ADAM29: variants seen among roughly 807,000 people sequenced by gnomAD.
The protein encoded by ADAM29 is disintegrin and metalloproteinase domain-containing protein 29.
For synonymous variants in ADAM29, 367 were observed against 342.3 expected (o/e 1.07, Z -0.80); for missense variants, 969 against 1,001.8 (o/e 0.97, Z 0.44).
At chr4:174,962,319 G>A (rs1745874050) in intron 4 of ADAM29, among the ~76,000 whole-genome samples, 1 of 152,160 alleles carries the variant, frequency 6.6e-6, no homozygotes, top group East Asian at 1.9e-4. Flanking sequence ...AGACCATCCT[G>A]GCTAACACGG....
intron 3 of ADAM29, among the ~76,000 whole-genome samples, chr4:174,931,594 C>T (rs1743882099): frequency 6.6e-6 from 1 of 152,134 alleles, no homozygotes; most frequent in African/African-American, 2.4e-5. Context: ...ACATAACTTT[C>T]TATTAACAAA....
intron 3 of ADAM29, among the ~76,000 whole-genome samples, chr4:174,933,757 TAAGG>T (rs1744044654): frequency 2.0e-5 from 3 of 152,226 alleles, no homozygotes; most frequent in African/African-American, 7.2e-5. Flanking sequence ...GTTAGTTTGC[TAAGG>T]ATGATGGCCT....
At chr4:174,967,923 C>T (rs569651991) in intron 4 of ADAM29, among the ~76,000 whole-genome samples, 12 of 152,264 alleles carry the variant, frequency 7.9e-5, no homozygotes, top group African/African-American at 2.9e-4. Context: ...GCCTTTTCTT[C>T]TGATTTAATA....
chr4:174,960,307 CTT>C (rs1004666564), intron 4 of ADAM29, among the ~76,000 whole-genome samples: 2 of 151,756 alleles, frequency 1.3e-5, no homozygotes, highest in African/African-American at 4.8e-5. Flanking sequence ...TACTAATTTT[CTT>C]TGTGATTCTT....
chr4:174,971,262 T>C (rs980309977), intron 4 of ADAM29, among the ~76,000 whole-genome samples: 1 of 152,172 alleles, frequency 6.6e-6, no homozygotes, highest in Non-Finnish European at 1.5e-5. Context: ...ATTGCAGTAA[T>C]GCAATATCTG....
chr4:174,938,401 C>T (rs1269960199), intron 4 of ADAM29, among the ~76,000 whole-genome samples: 1 of 151,922 alleles, frequency 6.6e-6, no homozygotes, highest in Non-Finnish European at 1.5e-5. Context: ...AGTAGATGAG[C>T]AATTGAGAAG....
Position 174,976,254 on chromosome 4 carries a change from G to T in ADAM29, c.729G>T (p.Val243=), listed in dbSNP as rs1170931103. The T allele has an allele frequency of 6.2e-7, 1 of 1,608,534 alleles. No homozygotes were observed. Among genetic ancestry groups the T allele is most frequent in the East Asian group, 2.2e-5 (1 of 44,850 alleles). The change falls in exon 5 of 5, where the codon GTG becomes GTT. Residue 243 remains valine (V), a synonymous_variant. Transcript: ENST00000359240. ...TTTTGGATGTCATTGGTGTTAAGGTGTTATTATTTGGTTTGGAGATCTGGA... is the reference window on the plus strand; with the variant it reads ...TTTTGGATGTCATTGGTGTTAAGGTTTTATTATTTGGTTTGGAGATCTGGA... The part of the protein sequence containing the change: ...DSILDVIGVK[V]LLFGLEIWTN...
chr4:174,972,361 T>C (rs1746525433), intron 4 of ADAM29, among the ~76,000 whole-genome samples: 1 of 152,182 alleles, frequency 6.6e-6, no homozygotes, highest in Admixed American at 6.5e-5. Flanking sequence ...GAGATTCTAG[T>C]CCTTCTAATA....
At chr4:174,971,537 C>T (rs9992884) in intron 4 of ADAM29, among the ~76,000 whole-genome samples, 14,079 of 152,158 alleles carry the variant, frequency 0.093, 2,122 homozygotes, top group African/African-American at 0.32. Flanking sequence ...CATCCCACTC[C>T]CTCTGGCCTG....
chr4:174,976,326 C>T lies in ADAM29; in HGVS notation c.801C>T (p.His267=). 6.2e-7 allele frequency: 1 copy of T among 1,611,820 alleles called. No homozygotes were observed. Among genetic ancestry groups the T allele is most frequent in the Non-Finnish European group, 8.5e-7 (1 of 1,179,348 alleles). ...TAGATGATGTAAGGAAATCTGTGCA[C>T]CTGTATTGCAAGTGGAAGTCGGAGA... ...IVVDDVRKSV[H]LYCKWKSENI... is the part of the protein sequence containing the mutation. The change falls in exon 5 of 5, where the codon CAC becomes CAT. Residue 267 remains histidine, a synonymous_variant. Coordinates refer to ENST00000359240, the MANE Select transcript of ADAM29 (RefSeq NM_014269.4).
At chr4:174,968,940 C>T (rs1746309664) in intron 4 of ADAM29, among the ~76,000 whole-genome samples, 2 of 151,910 alleles carry the variant, frequency 1.3e-5, no homozygotes, top group Admixed American at 6.6e-5. Flanking sequence ...CATTTAAACT[C>T]ACATAAATCC....
At position 174,975,672 on chromosome 4, in the gene ADAM29, A is replaced by T; in HGVS notation, c.147A>T (p.Pro49=). ...GCACCACCAGAGGCATGACACCTCC[A>T]GGCTGGCTCTCCTATATCCTGCCCT... ...ITGTTRGMTP[P]GWLSYILPFG... is the part of the protein sequence containing the mutation. Residue 49 remains proline, a synonymous_variant, in exon 5 of 5, where the codon CCA becomes CCT. Transcript: ENST00000359240. The T allele has an allele frequency of 1.2e-6, 2 of 1,613,160 alleles. No homozygotes were observed. The highest frequency in any genetic ancestry group is 1.7e-6 in the Non-Finnish European group (2 of 1,179,594).
chr4:174,921,001 C>G (rs565393177), intron 2 of ADAM29, among the ~76,000 whole-genome samples: 1 of 152,220 alleles, frequency 6.6e-6, no homozygotes, highest in East Asian at 1.9e-4. Flanking sequence ...ACCAAGATCT[C>G]TAACCCACAA....
chr4:174,920,185 A>G (rs549849106), intron 1 of ADAM29, among the ~76,000 whole-genome samples: 1 of 152,066 alleles, frequency 6.6e-6, no homozygotes, highest in Non-Finnish European at 1.5e-5. Context: ...TTTTCTACTA[A>G]CCCAATGTCA....
intron 4 of ADAM29, among the ~76,000 whole-genome samples, chr4:174,974,353 T>C (rs1377569553): frequency 6.6e-6 from 1 of 152,234 alleles, no homozygotes; most frequent in Non-Finnish European, 1.5e-5. Flanking sequence ...GGGATATACA[T>C]GAAAGATAAG....
At chr4:174,966,089 A>G (rs1188435565) in intron 4 of ADAM29, among the ~76,000 whole-genome samples, 3 of 152,222 alleles carry the variant, frequency 2.0e-5, no homozygotes, top group East Asian at 1.9e-4. Flanking sequence ...ACTTTAAATC[A>G]TCTCTAGATT....
At chr4:174,941,371 A>T (rs4695801) in intron 4 of ADAM29, among the ~76,000 whole-genome samples, 41,150 of 152,082 alleles carry the variant, frequency 0.27, 6,251 homozygotes, top group Non-Finnish European at 0.34. Flanking sequence ...TATCAAATTT[A>T]AAAATGCTGT....
chr4:174,939,460 C>T (rs971606450), intron 4 of ADAM29, among the ~76,000 whole-genome samples: 1 of 151,936 alleles, frequency 6.6e-6, no homozygotes, highest in African/African-American at 2.4e-5. Flanking sequence ...GATATTTTCC[C>T]CTTTAATATT....
chr4:174,921,768 C>A (rs543997411), intron 2 of ADAM29, among the ~76,000 whole-genome samples: 89 of 152,214 alleles, frequency 5.8e-4, no homozygotes, highest in African/African-American at 2.1e-3. Context: ...TTATTAACTG[C>A]TACAGGAAAT....
Sources: gnomAD v4.1 joint callset for allele counts (sites outside exome capture counted in the v4.1 genomes callset) on GRCh38, gnomAD v4.1.1 for gene constraint, MANE v1.5 for transcripts, NCBI Gene and HGNC (gene_info 2026-07-23, HGNC 2026-07-21) for gene names.